SEC23B: variants seen among roughly 807,000 people sequenced by gnomAD.
SEC23B encodes the protein protein transport protein Sec23B.
A neutral mutation model predicts 104.3 loss-of-function variants in SEC23B; 77 were observed. That is an observed-to-expected ratio of 0.74 (90% CI 0.61 to 0.89). The LOEUF (loss-of-function observed/expected upper bound fraction) is 0.89, where lower values mean the gene tolerates loss of function less well. SEC23B is among the 40% of genes least tolerant of loss of function. The probability of loss-of-function intolerance (pLI) is 0.00; values close to 1 mark genes in which losing one functional copy is unlikely to be tolerated. For missense variants in SEC23B, 885 were observed against 949.4 expected, an observed-to-expected ratio of 0.93 and a Z score of 0.89; for synonymous variants, 338 against 332.5, an observed-to-expected ratio of 1.02 and a Z score of -0.18.
intron 9 of SEC23B, 116 bp from the exon 10 acceptor site, chr20:18,530,564 C>A: frequency 8.5e-7 from 1 of 1,179,646 alleles, no homozygotes; most frequent in Non-Finnish European, 1.2e-6. Flanking sequence ...TAATCAGTGG[C>A]TCTTTTGGGG....
At chr20:18,531,622 C>T (rs1177813898) in intron 10 of SEC23B, among the ~76,000 whole-genome samples, 2 of 146,260 alleles carry the variant, frequency 1.4e-5, no homozygotes, top group African/African-American at 2.5e-5. Flanking sequence ...TGCCATTGCA[C>T]TCCAGCTGTG....
chr20:18,558,154 C>T (rs751795301), intron 19 of SEC23B, among the ~76,000 whole-genome samples: 3 of 152,148 alleles, frequency 2.0e-5, no homozygotes, highest in Non-Finnish European at 4.4e-5. Flanking sequence ...AGAATATTTT[C>T]TCTGCATATA....
At position 18,525,161 on chromosome 20, in the gene SEC23B, G is replaced by A. The variant is rs985330133; in HGVS notation, c.689+141G>A. On this transcript the variant is annotated intron_variant, in intron 6 of 19. Transcript: ENST00000650089. ...AATGATTAAGCCTAATCAATATTCAGTGTTTTGTCAAAAAGGTTTGGAGAC... is the reference window on the plus strand; with the variant it reads ...AATGATTAAGCCTAATCAATATTCAATGTTTTGTCAAAAAGGTTTGGAGAC... 8 of 886,060 alleles carry A rather than the reference G, an allele frequency of 9.0e-6. No homozygotes were observed. In the African/African-American group the frequency reaches 1.2e-4, roughly 13 times the overall value. The allele number at this position is 886,060 out of a possible 1,614,324, so 54.9% of individuals were successfully genotyped here.
In SEC23B at chr20:18,528,489, C is replaced by G. The variant is rs147944650; in HGVS notation, c.1109+878C>G. Among the ~76,000 whole-genome samples the G allele has an allele frequency of 1.7e-3, 252 of 152,282 alleles. 2 individuals carry two copies. Among genetic ancestry groups the G allele is most frequent in the African/African-American group, 5.6e-3 (234 of 41,572 alleles). On this transcript the variant is annotated intron_variant, in intron 9 of 19. Coordinates refer to ENST00000650089, the MANE Select transcript of SEC23B (RefSeq NM_006363.6). The stretch of plus-strand genomic sequence containing the variant: ...ATCAGAACCTGCATTTGAACAATAT[C>G]CCAGGTGATTTGCATGCACAGAAGT...
chr20:18,526,294 A>G lies in SEC23B; in HGVS notation c.835-79A>G. ...ACAGCTGGAGAGAATGCATCTTTGG[A>G]GTATTTCTATTGGGAAACTGAAACC... On this transcript the variant is annotated intron_variant, in intron 7 of 19. Transcript: ENST00000650089. 3 of 1,480,190 alleles carry G rather than the reference A, an allele frequency of 2.0e-6. No individual in the cohort carries two copies. The South Asian group carries it at 3.4e-5, about 17-fold the overall frequency. 91.7% of individuals were successfully genotyped at this position (1,480,190 alleles called of 1,614,324 possible).
At chr20:18,507,762 CT>C, upstream of SEC23B, 1 of 152,416 alleles carries the variant, frequency 6.6e-6, no homozygotes, top group Non-Finnish European at 1.5e-5. Context: ...CGACATACAC[CT>C]GTCTTGCCCT....
Position 18,525,068 on chromosome 20 carries a change from A to AT in SEC23B, c.689+49dup, listed in dbSNP as rs754670933. ...TACACGTATTGTGATGGACATGCAG[A>AT]TGATCCATGGGAGTAAGGGAAGAAA... On this transcript the variant is annotated intron_variant, in intron 6 of 19. Transcript: ENST00000650089. 3.4e-6 allele frequency: 5 copies of AT among 1,486,004 alleles called. No homozygotes were observed. In the South Asian group the frequency reaches 5.6e-5, roughly 17 times the overall value. 92.1% of individuals were successfully genotyped at this position (1,486,004 alleles called of 1,614,324 possible).
chr20:18,548,882 T>TA, intron 16 of SEC23B, 112 bp downstream of exon 16: 1 of 1,018,084 alleles, frequency 9.8e-7, no homozygotes, highest in Non-Finnish European at 1.5e-6. Context: ...TTGGAGTTTT[T>TA]ATAGTAATTT....
At chr20:18,559,133 C>T (rs73900450) in intron 19 of SEC23B, among the ~76,000 whole-genome samples, 1 of 151,016 alleles carries the variant, frequency 6.6e-6, no homozygotes, top group African/African-American at 2.4e-5. Context: ...GTGGAGAAGT[C>T]CAGGTTTTCC....
intron 13 of SEC23B, among the ~76,000 whole-genome samples, 190 bp from the exon 14 acceptor site, chr20:18,542,829 T>C (rs766037637): frequency 1.3e-5 from 2 of 152,106 alleles, no homozygotes; most frequent in Non-Finnish European, 2.9e-5. Flanking sequence ...AGAGAGATGG[T>C]GATCTCACAT....
chr20:18,514,313 G>C (rs1320553727), intron 3 of SEC23B, among the ~76,000 whole-genome samples: 1 of 152,166 alleles, frequency 6.6e-6, no homozygotes, highest in Non-Finnish European at 1.5e-5. Flanking sequence ...CAGGTTGCTG[G>C]GAGGTGGCTG....
chr20:18,559,489 G>T (rs1339475642), intron 19 of SEC23B, among the ~76,000 whole-genome samples: 1 of 152,110 alleles, frequency 6.6e-6, no homozygotes, highest in Non-Finnish European at 1.5e-5. Flanking sequence ...GAGTATTAGG[G>T]TGCCTTGTTA....
At chr20:18,544,905 C>A (rs2060319129) in intron 14 of SEC23B, among the ~76,000 whole-genome samples, 1 of 151,788 alleles carries the variant, frequency 6.6e-6, no homozygotes, top group Admixed American at 6.6e-5. Flanking sequence ...AAAGTCAGCA[C>A]TGAATGACAT....
Position 18,524,459 on chromosome 20 carries a change from T to C in SEC23B, c.393T>C (p.Phe131=), listed in dbSNP as rs1454677978. ...IQRGAQSPLI[F]LYVVDTCLEE... ...GAGGTGCTCAGTCCCCTCTGATCTT[T>C]CTCTATGTGGTTGACACATGCCTGG... is the stretch of plus-strand genomic sequence containing the variant. Residue 131 remains phenylalanine, a synonymous_variant, in exon 5 of 20, where the codon TTT becomes TTC. Transcript: ENST00000650089. The C allele has an allele frequency of 1.2e-6, 2 of 1,614,160 alleles. No homozygotes were observed. Among genetic ancestry groups the C allele is most frequent in the East Asian group, 4.5e-5 (2 of 44,878 alleles).
At chr20:18,538,798 A>G (rs982112474) in intron 12 of SEC23B, among the ~76,000 whole-genome samples, 29 of 152,164 alleles carry the variant, frequency 1.9e-4, no homozygotes, top group African/African-American at 2.4e-5. Context: ...TTCCATCTCA[A>G]CAAATGACTT....
At chr20:18,516,527 T>C (rs1196047164) in intron 4 of SEC23B, among the ~76,000 whole-genome samples, 1 of 142,786 alleles carries the variant, frequency 7.0e-6, no homozygotes, top group Non-Finnish European at 1.5e-5. Flanking sequence ...TTAAACATTT[T>C]TGGGCTCTTT....
At chr20:18,533,840 G>T (rs13037362) in intron 11 of SEC23B, among the ~76,000 whole-genome samples, 19,043 of 152,176 alleles carry the variant, frequency 0.13, 1,294 homozygotes, top group Admixed American at 0.18. Context: ...GCTTTGGAAG[G>T]CTGCCTTGTT....
In SEC23B at chr20:18,548,645, G is replaced by T. The variant is rs765112123; in HGVS notation, c.1780G>T (p.Val594Leu). Residue 594 changes from valine (V) to leucine (L), a missense_variant, in exon 16 of 20, where the codon GTG becomes TTG. Coordinates refer to ENST00000650089, the MANE Select transcript of SEC23B (RefSeq NM_006363.6). ...FHLRRSPFLQVFNNSPDESSY... is the reference protein window; with the variant it reads ...FHLRRSPFLQLFNNSPDESSY... ...TCTGAGAAGATCTCCATTTCTTCAA[G>T]TGTTTAACAACAGTCCTGATGAGTC... 1 of 1,614,054 alleles carries T rather than the reference G, an allele frequency of 6.2e-7. No homozygotes were observed. The highest frequency in any genetic ancestry group is 8.5e-7 in the Non-Finnish European group (1 of 1,179,988).
chr20:18,525,555 A>AC (rs935523086), intron 6 of SEC23B, among the ~76,000 whole-genome samples: 1 of 151,580 alleles, frequency 6.6e-6, no homozygotes, highest in Non-Finnish European at 1.5e-5. Flanking sequence ...TTTCCAGACA[A>AC]TTTTTTTTTC....
Sources: allele counts gnomAD v4.1 joint callset (sites outside exome capture counted in the v4.1 genomes callset), GRCh38; gene constraint gnomAD v4.1.1; transcripts MANE v1.5; gene names NCBI Gene and HGNC (gene_info 2026-07-23, HGNC 2026-07-21).